The following CSMD1 variants were observed in gnomAD, a reference collection of about 807,000 sequenced individuals.
The protein encoded by CSMD1 is CUB and Sushi multiple domains 1, also known as CUB and sushi domain-containing protein 1.
CSMD1 carries 213 observed loss-of-function variants against 417.5 expected under a neutral mutation model. That is an observed-to-expected ratio of 0.51 (90% CI 0.46 to 0.57). CSMD1 has a LOEUF of 0.57. Among genes scored for constraint, CSMD1 ranks in the 20% least tolerant of loss-of-function variants. The probability of loss-of-function intolerance (pLI) is 0.00; values close to 1 mark genes in which losing one functional copy is unlikely to be tolerated. For missense variants in CSMD1, 6,923 were observed against 4,529.7 expected (o/e 1.53, Z -15.17); for synonymous variants, 2,862 against 1,736.8 (o/e 1.65, Z -16.11).
intron 1 of CSMD1, chr8:4,787,501 T>C: frequency 1.1e-6 from 1 of 938,234 alleles, no homozygotes; most frequent in Non-Finnish European, 1.7e-6. Flanking sequence ...TCACCAGTTG[T>C]ATTTTTCAGT....
chr8:4,282,605 G>C (rs998052625), intron 3 of CSMD1, among the ~76,000 whole-genome samples: 1 of 152,178 alleles, frequency 6.6e-6, no homozygotes, highest in Admixed American at 6.5e-5. Flanking sequence ...ATTACAGTCA[G>C]GGAGAAAGGT....
intron 1 of CSMD1, among the ~76,000 whole-genome samples, chr8:4,707,023 T>A (rs1034887996): frequency 6.6e-6 from 1 of 152,174 alleles, no homozygotes; most frequent in African/African-American, 2.4e-5. Context: ...GACAATGTCA[T>A]TGACAGATCT....
chr8:4,152,833 T>C (rs1444729754), intron 3 of CSMD1, among the ~76,000 whole-genome samples: 1 of 152,152 alleles, frequency 6.6e-6, no homozygotes, highest in Non-Finnish European at 1.5e-5. Flanking sequence ...GAGTAGGGAA[T>C]GTATGTATGT....
intron 5 of CSMD1, among the ~76,000 whole-genome samples, chr8:3,784,795 G>T: frequency 6.6e-6 from 1 of 152,182 alleles, no homozygotes; most frequent in Non-Finnish European, 1.5e-5. Context: ...TTTACATCAT[G>T]TTGCATATCA....
At chr8:4,390,862 G>A (rs1404605772) in intron 3 of CSMD1, among the ~76,000 whole-genome samples, 2 of 152,048 alleles carry the variant, frequency 1.3e-5, no homozygotes, top group East Asian at 3.9e-4. Flanking sequence ...ATTTTAAGGT[G>A]TACCTCACAT....
chr8:4,041,624 G>C (rs984079509), intron 3 of CSMD1, among the ~76,000 whole-genome samples: 1 of 152,108 alleles, frequency 6.6e-6, no homozygotes, highest in Non-Finnish European at 1.5e-5. Flanking sequence ...AAAAAAGTAA[G>C]AAGATATCCA....
intron 1 of CSMD1, among the ~76,000 whole-genome samples, chr8:4,650,338 C>T (rs1803814288): frequency 7.7e-6 from 1 of 130,234 alleles, no homozygotes; most frequent in Non-Finnish European, 1.6e-5. Context: ...GTACGAGACT[C>T]CGTCTCAAGA....
At chr8:4,522,191 C>T (rs1439570393) in intron 2 of CSMD1, among the ~76,000 whole-genome samples, 3 of 152,058 alleles carry the variant, frequency 2.0e-5, no homozygotes, top group African/African-American at 7.2e-5. Flanking sequence ...CTCGTGAGAG[C>T]TGATGATTTA....
chr8:4,383,614 C>T (rs758603938), intron 3 of CSMD1, among the ~76,000 whole-genome samples: 2 of 152,094 alleles, frequency 1.3e-5, no homozygotes, highest in East Asian at 1.9e-4. Context: ...TAAAGACGTG[C>T]TGATTAAACT....
At chr8:4,121,030 A>G (rs915149125) in intron 3 of CSMD1, among the ~76,000 whole-genome samples, 2 of 152,182 alleles carry the variant, frequency 1.3e-5, no homozygotes, top group African/African-American at 2.4e-5. Context: ...ATACTAGTTT[A>G]GTAGTCCAGG....
At chr8:3,422,109 T>C (rs895559454) in intron 12 of CSMD1, among the ~76,000 whole-genome samples, 13 of 152,312 alleles carry the variant, frequency 8.5e-5, no homozygotes, top group African/African-American at 2.6e-4. Context: ...CATGACTAGA[T>C]GATCAATGAA....
intron 3 of CSMD1, among the ~76,000 whole-genome samples, chr8:4,176,153 GA>G (rs1475264761): frequency 6.6e-6 from 1 of 152,064 alleles, no homozygotes; most frequent in Non-Finnish European, 1.5e-5. Flanking sequence ...GGGTGGAAAA[GA>G]GACTCTATGT....
At chr8:4,307,518 A>G (rs933340368) in intron 3 of CSMD1, among the ~76,000 whole-genome samples, 1 of 152,194 alleles carries the variant, frequency 6.6e-6, no homozygotes, top group Non-Finnish European at 1.5e-5. Context: ...TATGTCAACC[A>G]TGCCTGGTCT....
At chr8:4,047,834 G>GA (rs956386678) in intron 3 of CSMD1, among the ~76,000 whole-genome samples, 1 of 151,534 alleles carries the variant, frequency 6.6e-6, no homozygotes, top group Non-Finnish European at 1.5e-5. Flanking sequence ...AAGTGGCATT[G>GA]AAAAAAAATA....
At chr8:3,838,930 T>TATC (rs1802906982) in intron 5 of CSMD1, among the ~76,000 whole-genome samples, 1 of 95,076 alleles carries the variant, frequency 1.1e-5, no homozygotes, top group East Asian at 2.5e-4. Flanking sequence ...GTCTCTCTAT[T>TATC]TATATATAAT....
chr8:3,251,311 T>C (rs548767637), intron 26 of CSMD1, among the ~76,000 whole-genome samples: 68 of 152,312 alleles, frequency 4.5e-4, no homozygotes, highest in African/African-American at 1.4e-3. Flanking sequence ...CACCATTTAT[T>C]AAATAGGGAA....
At chr8:4,150,523 T>A (rs1165722224) in intron 3 of CSMD1, among the ~76,000 whole-genome samples, 1 of 152,204 alleles carries the variant, frequency 6.6e-6, no homozygotes, top group African/African-American at 2.4e-5. Context: ...AATTTCTCTT[T>A]CTGTTCTTCC....
chr8:3,453,365 G>C (rs967194644), intron 12 of CSMD1, among the ~76,000 whole-genome samples: 2 of 151,974 alleles, frequency 1.3e-5, no homozygotes, highest in Admixed American at 6.6e-5. Context: ...TTTTGAATGT[G>C]TTTGCTCTTG....
chr8:2,954,320 T>A, intron 64 of CSMD1, 52 bp from the exon 65 acceptor site: 1 of 1,162,662 alleles, frequency 8.6e-7, no homozygotes, highest in African/African-American at 1.6e-5. Context: ...TATTTTTGAG[T>A]AAGTTTGAAA....
Sources: gnomAD v4.1 joint callset for allele counts (sites outside exome capture counted in the v4.1 genomes callset) on GRCh38, gnomAD v4.1.1 for gene constraint, MANE v1.5 for transcripts, NCBI Gene and HGNC (gene_info 2026-07-23, HGNC 2026-07-21) for gene names.